The following ANKFY1 variants were observed in gnomAD, a reference collection of about 807,000 sequenced individuals.
The protein encoded by ANKFY1 is ankyrin repeat and FYVE domain containing 1.
Under a neutral mutation model 128.3 loss-of-function variants are expected in ANKFY1, and 47 were observed. That is an observed-to-expected ratio of 0.37 (90% CI 0.29 to 0.47). The LOEUF (loss-of-function observed/expected upper bound fraction) is 0.47. Among genes scored for constraint, ANKFY1 ranks in the 20% least tolerant of loss-of-function variants. The pLI is 1.00. For synonymous variants in ANKFY1, 553 were observed against 601.6 expected (o/e 0.92, Z 1.18); for missense variants, 1,222 against 1,510.6 (o/e 0.81, Z 3.17).
chr17:4,195,380 C>A, intron 9 of ANKFY1, 23 bp downstream of exon 9: 1 of 1,610,108 alleles, frequency 6.2e-7, no homozygotes, highest in Middle Eastern at 1.7e-4. Flanking sequence ...CGCCTTCTCA[C>A]TTGTGCGTGT....
chr17:4,197,660 G>T, intron 7 of ANKFY1, 83 bp from the exon 8 acceptor site: 1 of 1,293,742 alleles, frequency 7.7e-7, no homozygotes, highest in Non-Finnish European at 1.1e-6. Flanking sequence ...GAAAATGACT[G>T]CAGACAAAGG....
intron 6 of ANKFY1, among the ~76,000 whole-genome samples, chr17:4,207,728 T>A (rs912039513): frequency 3.9e-5 from 6 of 152,182 alleles, no homozygotes; most frequent in Non-Finnish European, 8.8e-5. Context: ...AAGAGGTTTT[T>A]AAATTGGGCA....
At chr17:4,227,129 G>T (rs1037428131) in intron 3 of ANKFY1, among the ~76,000 whole-genome samples, 4 of 152,076 alleles carry the variant, frequency 2.6e-5, no homozygotes, top group African/African-American at 9.7e-5. Flanking sequence ...TACTTCAGTG[G>T]TGAATTCTAT....
chr17:4,262,257 A>C (rs1417472940), intron 1 of ANKFY1, among the ~76,000 whole-genome samples: 1 of 151,752 alleles, frequency 6.6e-6, no homozygotes, highest in African/African-American at 2.4e-5. Flanking sequence ...CCACCTCCCT[A>C]GTATTACTGC....
At chr17:4,189,669 C>T (rs1200249108) in intron 10 of ANKFY1, among the ~76,000 whole-genome samples, 190 bp from the exon 11 acceptor site, 1 of 151,700 alleles carries the variant, frequency 6.6e-6, no homozygotes, top group Non-Finnish European at 1.5e-5. Context: ...GAGAGTAGGC[C>T]CACACCAGAC....
intron 4 of ANKFY1, among the ~76,000 whole-genome samples, chr17:4,213,115 A>G (rs554256023): frequency 1.8e-3 from 276 of 152,282 alleles, no homozygotes; most frequent in Non-Finnish European, 3.3e-3. Context: ...AGAGGCTAGG[A>G]GCAAGAATAA....
At chr17:4,235,337 T>A (rs1966872119) in intron 3 of ANKFY1, among the ~76,000 whole-genome samples, 1 of 37,360 alleles carries the variant, frequency 2.7e-5, no homozygotes, top group Non-Finnish European at 7.6e-5. Context: ...TGAGACTCTG[T>A]CTCAAAAAAA....
intron 3 of ANKFY1, among the ~76,000 whole-genome samples, chr17:4,219,285 G>A (rs543527629): frequency 6.6e-6 from 1 of 152,316 alleles, no homozygotes; most frequent in South Asian, 2.1e-4. Context: ...GATGGTCAGA[G>A]GAATACTTAA....
chr17:4,210,365 A>G (rs1229782583), intron 4 of ANKFY1, among the ~76,000 whole-genome samples: 2 of 152,206 alleles, frequency 1.3e-5, no homozygotes, highest in East Asian at 3.8e-4. Flanking sequence ...AGTGTGTCTT[A>G]GAAATAGTTT....
chr17:4,195,237 C>A, intron 9 of ANKFY1, 60 bp from the exon 10 acceptor site: 2 of 1,508,634 alleles, frequency 1.3e-6, no homozygotes, highest in Non-Finnish European at 1.8e-6. Flanking sequence ...TCTATACTGA[C>A]AACAACCTGG....
chr17:4,218,883 A>G (rs995937097), intron 3 of ANKFY1, among the ~76,000 whole-genome samples: 1 of 152,100 alleles, frequency 6.6e-6, no homozygotes, highest in African/African-American at 2.4e-5. Context: ...TCTCAAAAAG[A>G]AAAAGAAAAA....
At chr17:4,250,554 G>C (rs1216991401) in intron 1 of ANKFY1, among the ~76,000 whole-genome samples, 1 of 152,126 alleles carries the variant, frequency 6.6e-6, no homozygotes, top group Non-Finnish European at 1.5e-5. Context: ...GGATTGGAAG[G>C]CTCAATAGCT....
At chr17:4,191,439 G>A (rs923057791) in intron 10 of ANKFY1, 1 of 150,370 alleles carries the variant, frequency 6.7e-6, no homozygotes, top group Non-Finnish European at 1.5e-5. Context: ...ATGCCTAGTT[G>A]ATGGTTACTC....
intron 3 of ANKFY1, among the ~76,000 whole-genome samples, chr17:4,218,876 C>CAAAAAG (rs1191853676): frequency 6.6e-6 from 1 of 151,182 alleles, no homozygotes; most frequent in African/African-American, 2.4e-5. Context: ...GACCCTGTCT[C>CAAAAAG]AAAAAGAAAA....
intron 11 of ANKFY1, chr17:4,186,731 C>T (rs748069687): frequency 4.0e-5 from 34 of 845,382 alleles, no homozygotes; most frequent in East Asian, 2.5e-4. Flanking sequence ...CCCTCCTCCT[C>T]GGGGCTGTCT....
At chr17:4,193,329 C>T (rs1442832635) in intron 10 of ANKFY1, among the ~76,000 whole-genome samples, 1 of 151,774 alleles carries the variant, frequency 6.6e-6, no homozygotes, top group East Asian at 1.9e-4. Flanking sequence ...GATCATAGCT[C>T]ACTGCAGCCT....
In ANKFY1 at chr17:4,164,130, C is replaced by T. The variant is rs1007730667; in HGVS notation, c.*3649G>A. 3 of 152,622 alleles carry T rather than the reference C, an allele frequency of 2.0e-5. No individual in the cohort carries two copies. Among genetic ancestry groups the T allele is most frequent in the Non-Finnish European group, 2.9e-5 (2 of 68,054 alleles). The allele number at this position is 152,622 out of a possible 1,614,324, so 9.5% of individuals were successfully genotyped here. ...AGTTTCTGCCCAGCTACTGCCCCTC[C>T]TCTGGGATCACACAGGGATGTCGTA... On this transcript the variant is annotated 3_prime_UTR_variant, in exon 25 of 25. Transcript: ENST00000341657.
intron 23 of ANKFY1, among the ~76,000 whole-genome samples, chr17:4,170,244 C>A (rs543229965): frequency 6.6e-6 from 1 of 152,342 alleles, no homozygotes; most frequent in African/African-American, 2.4e-5. Context: ...CATTCTGATT[C>A]TTTCTGTCAC....
chr17:4,189,530 C>A, intron 10 of ANKFY1, 51 bp from the exon 11 acceptor site: 1 of 1,457,988 alleles, frequency 6.9e-7, no homozygotes, highest in South Asian at 1.2e-5. Context: ...AAAATGCGGT[C>A]ACGCTGCACA....
Sources: gnomAD v4.1 joint callset for allele counts (sites outside exome capture counted in the v4.1 genomes callset) on GRCh38, gnomAD v4.1.1 for gene constraint, MANE v1.5 for transcripts, NCBI Gene and HGNC (gene_info 2026-07-23, HGNC 2026-07-21) for gene names.